PLIN2: variants seen among roughly 807,000 people sequenced by gnomAD.
PLIN2 encodes perilipin-2.
A neutral mutation model predicts 30.6 loss-of-function variants in PLIN2; 33 were observed. That is an observed-to-expected ratio of 1.08 (90% CI 0.82 to 1.44). The LOEUF (loss-of-function observed/expected upper bound fraction) is 1.44. PLIN2 is among the 40% of genes most tolerant of loss of function. The pLI, the probability that PLIN2 is intolerant of heterozygous loss-of-function variation, is 0.00. For missense variants in PLIN2, 610 were observed against 531.8 expected, an observed-to-expected ratio of 1.15 and a Z score of -1.45; for synonymous variants, 205 against 201.1, an observed-to-expected ratio of 1.02 and a Z score of -0.16.
chr9:19,122,904 C>T (rs1395244960), intron 4 of PLIN2, among the ~76,000 whole-genome samples: 1 of 152,144 alleles, frequency 6.6e-6, no homozygotes, highest in East Asian at 1.9e-4. Flanking sequence ...GCTTGGGGAC[C>T]ACTGGGCTCT....
In PLIN2 at chr9:19,116,363, C is replaced by G; in HGVS notation, c.1199G>C (p.Trp400Ser). 1 of 1,614,134 alleles carries G rather than the reference C, an allele frequency of 6.2e-7. No individual in the cohort carries two copies. Among genetic ancestry groups the G allele is most frequent in the Non-Finnish European group, 8.5e-7 (1 of 1,180,028 alleles). Residue 400 changes from tryptophan (W) to serine (S), a missense_variant, in exon 8 of 8, where the codon TGG becomes TCG. Physicochemically the swap from Trp to Ser is radical, Grantham distance 177. Transcript: ENST00000276914. ...CTGAGGATAAAAGGGACCTACCAGC[C>G]AGTTGAGGGGCGTGTTGTTAACAAG... is the stretch of plus-strand genomic sequence containing the variant. ...DYLVNNTPLN[W>S]LVGPFYPQLT...
Position 19,122,429 on chromosome 9 carries a change from T to C in PLIN2, c.309+1136A>G, listed in dbSNP as rs190487311. ...ACGAATACTTATCATTGTGTTACAGTAGTCAGTGTAGTCATGCTGTGCAGG... is the reference window on the plus strand; with the variant it reads ...ACGAATACTTATCATTGTGTTACAGCAGTCAGTGTAGTCATGCTGTGCAGG... On this transcript the variant is annotated intron_variant, in intron 4 of 7. Coordinates refer to ENST00000276914, the MANE Select transcript of PLIN2 (RefSeq NM_001122.4). Among the ~76,000 whole-genome samples, 189 of 152,098 alleles carry C rather than the reference T, an allele frequency of 1.2e-3. 1 individual carries two copies. In the East Asian group the frequency reaches 0.025, roughly 20 times the overall value.
At chr9:19,121,536 G>C (rs1377632755) in intron 4 of PLIN2, among the ~76,000 whole-genome samples, 1 of 139,820 alleles carries the variant, frequency 7.2e-6, no homozygotes, top group Non-Finnish European at 1.6e-5. Flanking sequence ...AAAAAGAAAA[G>C]AAAAGAAGGT....
At chr9:19,119,909 C>A in intron 5 of PLIN2, 78 bp from the exon 6 acceptor site, 1 of 895,882 alleles carries the variant, frequency 1.1e-6, no homozygotes, top group South Asian at 1.7e-5. Flanking sequence ...TAACCTGGGT[C>A]TTGACTTTCT....
At position 19,119,902 on chromosome 9, in the gene PLIN2, C is replaced by G. The variant is rs542428428; in HGVS notation, c.596-71G>C. 39 of 1,005,882 alleles carry G rather than the reference C, an allele frequency of 3.9e-5. No individual in the cohort carries two copies. In the African/African-American group the frequency reaches 5.9e-4, roughly 15 times the overall value. The allele number at this position is 1,005,882 out of a possible 1,614,324, so 62.3% of individuals were successfully genotyped here. A position where few individuals can be genotyped will look rare whatever the true frequency, so the allele number is the denominator to read the frequency against. The stretch of plus-strand genomic sequence containing the variant: ...ACAAGTGATAAGGCCTGGACTCTAA[C>G]CTGGGTCTTGACTTTCTTACTTCTA... On this transcript the variant is annotated intron_variant, in intron 5 of 7. Coordinates refer to ENST00000276914, the MANE Select transcript of PLIN2 (RefSeq NM_001122.4).
rs145379948 is a variant in PLIN2, at chr9:19,126,067, G to A, written c.226+47C>T. The stretch of plus-strand genomic sequence containing the variant: ...GTTACTGCTGTGAGCTCAGGGGCTC[G>A]CCACTGACCAGTCCCTTGACTTGCA... On this transcript the variant is annotated intron_variant, in intron 3 of 7. Transcript: ENST00000276914. The A allele has an allele frequency of 1.4e-5, 21 of 1,532,888 alleles. No individual in the cohort carries two copies. In the East Asian group the frequency reaches 2.0e-4, roughly 15 times the overall value. 95.0% of individuals were successfully genotyped at this position (1,532,888 alleles called of 1,614,324 possible).
chr9:19,115,736 C>G (rs1216668866), downstream of PLIN2: 1 of 152,766 alleles, frequency 6.5e-6, no homozygotes, highest in Non-Finnish European at 1.5e-5. Context: ...AAGCAACACA[C>G]AAAGCATATG....
chr9:19,112,755 G>A (rs1422277155), downstream of PLIN2, among the ~76,000 whole-genome samples: 3 of 149,828 alleles, frequency 2.0e-5, no homozygotes, highest in Admixed American at 6.7e-5. Context: ...CCTGAGACAT[G>A]TTGACAAATG....
At chr9:19,114,463 G>A (rs1265242119), downstream of PLIN2, among the ~76,000 whole-genome samples, 1 of 151,782 alleles carries the variant, frequency 6.6e-6, no homozygotes, top group African/African-American at 2.4e-5. Flanking sequence ...GGAGTGCAGT[G>A]GCGCAATCTT....
At chr9:19,110,778 C>G (rs1380970713), downstream of PLIN2, among the ~76,000 whole-genome samples, 1 of 152,048 alleles carries the variant, frequency 6.6e-6, no homozygotes, top group Non-Finnish European at 1.5e-5. Context: ...GCCCAGCCAG[C>G]TCTACTATCT....
chr9:19,125,598 T>C, intron 3 of PLIN2: 1 of 152,888 alleles, frequency 6.5e-6, no homozygotes, highest in Non-Finnish European at 1.5e-5. Context: ...TGGGGGATTT[T>C]TAATTAAAGG....
At chr9:19,118,833 C>G (rs1288392748) in intron 6 of PLIN2, among the ~76,000 whole-genome samples, 2 of 152,144 alleles carry the variant, frequency 1.3e-5, no homozygotes, top group Non-Finnish European at 2.9e-5. Context: ...GCTGGGATTA[C>G]AGGCATACGC....
At chr9:19,115,135 G>T (rs183504378), downstream of PLIN2, among the ~76,000 whole-genome samples, 31 of 152,210 alleles carry the variant, frequency 2.0e-4, no homozygotes, top group East Asian at 6.0e-3. Flanking sequence ...ACATGACTAG[G>T]CCCTTTTACT....
intron 7 of PLIN2, among the ~76,000 whole-genome samples, chr9:19,116,903 A>G (rs1427354205): frequency 6.6e-6 from 1 of 152,204 alleles, no homozygotes; most frequent in African/African-American, 2.4e-5. Flanking sequence ...CTGAGTCTCC[A>G]AAGTTCATCA....
chr9:19,117,699 CCTCTGCCTCCCAGGTTCAAGCTATT>C lies in PLIN2; in HGVS notation c.912+597_912+621del, dbSNP rs545609834. 4.0e-4 allele frequency among the ~76,000 whole-genome samples: 60 copies of C among 151,792 alleles called. No individual in the cohort carries two copies. In the East Asian group the frequency reaches 0.011, roughly 27 times the overall value. On this transcript the variant is annotated intron_variant, in intron 7 of 7. Transcript: ENST00000276914. ...GTAGCATGATCTCGGCTCATGGCAA[CCTCTGCCTCCCAGGTTCAAGCTATT>C]CTCCTGCCTCAGCTGCCCGAGTAGC...
chr9:19,113,695 C>T (rs985894474), downstream of PLIN2, among the ~76,000 whole-genome samples: 1 of 151,602 alleles, frequency 6.6e-6, no homozygotes, highest in African/African-American at 2.4e-5. Context: ...GTGCCTCAGC[C>T]CCCAAGTAGC....
chr9:19,126,567 T>G, intron 1 of PLIN2, 119 bp from the exon 2 acceptor site: 2 of 664,894 alleles, frequency 3.0e-6, no homozygotes, highest in Non-Finnish European at 5.3e-6. Context: ...CCTGTAGTCT[T>G]CTGCACTTCT....
In PLIN2 at chr9:19,116,430, G is replaced by T. The variant is rs1445390216; in HGVS notation, c.1132C>A (p.Leu378Met). 2.5e-6 allele frequency: 4 copies of T among 1,614,168 alleles called. No individual in the cohort carries two copies. Among genetic ancestry groups the T allele is most frequent in the Non-Finnish European group, 3.4e-6 (4 of 1,180,028 alleles). The change falls in exon 8 of 8, where the codon CTG (leucine) becomes ATG (methionine). Residue 378 changes from leucine (L) to methionine (M), a missense_variant. By Grantham distance (15) the Leu-to-Met change is conservative. Transcript: ENST00000276914. ...DSLLTSSKGQ[L>M]QKMKESLDDV... ...TCTAAAGATTCCTTCATTTTCTGCA[G>T]CTGCCCCTTGCTAGAAGTGAGGAGG...
At chr9:19,125,784 ATGG>A in intron 3 of PLIN2, 1 of 203,358 alleles carries the variant, frequency 4.9e-6, no homozygotes, top group Non-Finnish European at 1.0e-5. Context: ...TTAGCTGGGC[ATGG>A]TGGTGGGAGC....
Sources: allele counts gnomAD v4.1 joint callset (sites outside exome capture counted in the v4.1 genomes callset), GRCh38; gene constraint gnomAD v4.1.1; transcripts MANE v1.5; gene names NCBI Gene and HGNC (gene_info 2026-07-23, HGNC 2026-07-21).